The following ORC1 variants were observed in gnomAD, a reference collection of about 807,000 sequenced individuals.
The protein encoded by ORC1 is origin recognition complex, subunit 1 homolog.
A neutral mutation model predicts 98.9 loss-of-function variants in ORC1; 61 were observed. The observed-to-expected ratio is 0.62, with a 90% CI of 0.50 to 0.76. The LOEUF is 0.76. Among genes scored for constraint, ORC1 ranks in the 30% least tolerant of loss-of-function variants. The pLI, the probability that ORC1 is intolerant of heterozygous loss-of-function variation, is 0.00. For missense variants in ORC1, 979 were observed against 1,072.2 expected, an observed-to-expected ratio of 0.91 and a Z score of 1.21; for synonymous variants, 385 against 406.9, an observed-to-expected ratio of 0.95 and a Z score of 0.65.
At chr1:52,398,241 G>A (rs1647517315) in intron 3 of ORC1, among the ~76,000 whole-genome samples, 2 of 150,036 alleles carry the variant, frequency 1.3e-5, no homozygotes, top group Non-Finnish European at 3.0e-5. Context: ...TGGAATTACA[G>A]GCATGAGCCA....
At chr1:52,373,920 T>C (rs868515653) in intron 16 of ORC1, among the ~76,000 whole-genome samples, 3 of 152,326 alleles carry the variant, frequency 2.0e-5, no homozygotes, top group East Asian at 1.9e-4. Context: ...GCTGGAAACA[T>C]AGATTCCTAC....
At chr1:52,386,040 A>G in intron 8 of ORC1, 91 bp from the exon 9 acceptor site, 1 of 951,282 alleles carries the variant, frequency 1.1e-6, no homozygotes, top group Non-Finnish European at 1.7e-6. Context: ...TGATCTGATA[A>G]AAGGAAGAGA....
chr1:52,388,312 A>G (rs931423105), intron 8 of ORC1, 130 bp downstream of exon 8: 1 of 844,690 alleles, frequency 1.2e-6, no homozygotes, highest in Non-Finnish European at 2.1e-6. Context: ...AATATTCCAC[A>G]AAGAATAGCA....
chr1:52,405,871 G>C, upstream of ORC1: 1 of 1,601,482 alleles, frequency 6.2e-7, no homozygotes, highest in Non-Finnish European at 8.6e-7. Context: ...TAATATAAGA[G>C]GTTTAATTTT....
At chr1:52,393,358 T>C (rs986088570) in intron 6 of ORC1, 85 bp downstream of exon 6, 27 of 1,579,014 alleles carry the variant, frequency 1.7e-5, no homozygotes, top group Middle Eastern at 2.0e-4. Context: ...TTTCAACTAC[T>C]GTTCTAACTT....
At chr1:52,381,523 AT>A (rs1647069635) in intron 14 of ORC1, 118 bp downstream of exon 14, 2 of 1,079,662 alleles carry the variant, frequency 1.9e-6, no homozygotes, top group East Asian at 5.4e-5. Context: ...CTTTTTTGAT[AT>A]TTTTACACGA....
chr1:52,379,429 G>A (rs1647034473), intron 14 of ORC1, among the ~76,000 whole-genome samples: 1 of 151,434 alleles, frequency 6.6e-6, no homozygotes, highest in Non-Finnish European at 1.5e-5. Context: ...ATTTTTAGTA[G>A]AGACAGGGTT....
chr1:52,375,044 C>A, intron 15 of ORC1, 147 bp from the exon 16 acceptor site: 1 of 658,774 alleles, frequency 1.5e-6, no homozygotes, highest in Non-Finnish European at 2.7e-6. Context: ...ATCTCCCTGA[C>A]CCCCAAACTC....
intron 7 of ORC1, 46 bp downstream of exon 7, chr1:52,389,171 C>A: frequency 7.3e-7 from 1 of 1,361,552 alleles, no homozygotes; most frequent in South Asian, 1.2e-5. Flanking sequence ...TTATAGATAT[C>A]AGAGATGGCA....
chr1:52,404,653 C>T (rs558324677), upstream of ORC1: 106 of 1,403,822 alleles, frequency 7.6e-5, no homozygotes, highest in African/African-American at 1.5e-3. Flanking sequence ...TTTAGTGAAA[C>T]TTCTTCCACC....
At chr1:52,378,875 T>C (rs899893647) in intron 14 of ORC1, among the ~76,000 whole-genome samples, 2 of 146,110 alleles carry the variant, frequency 1.4e-5, no homozygotes, top group African/African-American at 5.1e-5. Flanking sequence ...CTACTGAAAA[T>C]ACAAAAAATT....
intron 7 of ORC1, 102 bp from the exon 8 acceptor site, chr1:52,388,739 G>A (rs1647176095): frequency 7.0e-6 from 7 of 998,042 alleles, no homozygotes; most frequent in Middle Eastern, 6.1e-4. Context: ...GGTCCCTCCT[G>A]TGACCAGGTG....
upstream of ORC1, chr1:52,409,402 G>A (rs1648087612): frequency 6.6e-6 from 1 of 152,276 alleles, no homozygotes; most frequent in African/African-American, 2.4e-5. Flanking sequence ...CTTGAGGTCA[G>A]GAGTTTGAGA....
At chr1:52,404,718 T>G (rs28372822), upstream of ORC1, 32 of 1,606,634 alleles carry the variant, frequency 2.0e-5, no homozygotes, top group East Asian at 7.1e-4. Flanking sequence ...CATTAAAGGA[T>G]CCGACGGAAA....
At chr1:52,387,430 T>A (rs184791305) in intron 8 of ORC1, among the ~76,000 whole-genome samples, 1 of 152,302 alleles carries the variant, frequency 6.6e-6, no homozygotes, top group African/African-American at 2.4e-5. Flanking sequence ...GGCTGGGGAC[T>A]ACTGATCTAC....
intron 7 of ORC1, 76 bp downstream of exon 7, chr1:52,389,141 A>C: frequency 9.5e-7 from 1 of 1,049,794 alleles, no homozygotes; most frequent in South Asian, 1.3e-5. Flanking sequence ...AAACAGTATA[A>C]GAGGCATTAG....
At chr1:52,381,219 G>A (rs1276609219) in intron 14 of ORC1, among the ~76,000 whole-genome samples, 1 of 152,074 alleles carries the variant, frequency 6.6e-6, no homozygotes, top group Non-Finnish European at 1.5e-5. Context: ...TAATAGACAT[G>A]ATATTGTTAT....
chr1:52,396,094 G>C lies in ORC1; in HGVS notation c.673C>G (p.Pro225Ala), dbSNP rs780578061. ...RHSASKSRQT[P>A]THPLTPRARK... is the part of the protein sequence containing the mutation. ...GCTCTTGGGGTAAGAGGATGGGTAGGAGTTTGGCGAGATTTGGAGGCGGAG... is the reference window on the plus strand; with the variant it reads ...GCTCTTGGGGTAAGAGGATGGGTAGCAGTTTGGCGAGATTTGGAGGCGGAG... Residue 225 changes from proline to alanine, a missense_variant, in exon 5 of 17, where the codon CCT becomes GCT. By Grantham distance (27) the Pro-to-Ala change is conservative. Transcript: ENST00000371568. The C allele has an allele frequency of 1.5e-5, 24 of 1,614,072 alleles. No individual in the cohort carries two copies. In the African/African-American group the frequency reaches 2.8e-4, roughly 19 times the overall value.
At chr1:52,406,214 C>G (rs1256052093), upstream of ORC1, among the ~76,000 whole-genome samples, 3 of 152,002 alleles carry the variant, frequency 2.0e-5, no homozygotes, top group African/African-American at 7.3e-5. Flanking sequence ...GTCTCGAACT[C>G]CAGACTTCAG....
Sources: allele counts gnomAD v4.1 joint callset (sites outside exome capture counted in the v4.1 genomes callset), GRCh38; gene constraint gnomAD v4.1.1; transcripts MANE v1.5; gene names NCBI Gene and HGNC (gene_info 2026-07-23, HGNC 2026-07-21).